Variants in DOCK7 observed in about 807,000 individuals in gnomAD.
The protein encoded by DOCK7 is dedicator of cytokinesis protein 7.
In DOCK7, 138 loss-of-function variants were observed where a neutral mutation model predicts 271.0. The ratio of observed to expected loss-of-function variants is 0.51; its 90% CI spans 0.44 to 0.59. The LOEUF is 0.59. Ranked by LOEUF, DOCK7 falls within the 20% of genes least tolerant of loss-of-function variation. The probability of loss-of-function intolerance (pLI) is 0.00; values close to 1 mark genes in which losing one functional copy is unlikely to be tolerated. For missense variants in DOCK7, 2,066 were observed against 2,592.4 expected (o/e 0.80, Z 4.41); for synonymous variants, 823 against 876.1 (o/e 0.94, Z 1.07).
chr1:62,480,244 T>C (rs1468033950), intron 43 of DOCK7, among the ~76,000 whole-genome samples: 1 of 152,214 alleles, frequency 6.6e-6, no homozygotes, highest in African/African-American at 2.4e-5. Context: ...GGTGTGTTGC[T>C]GGGCTCAATG....
intron 19 of DOCK7, 39 bp downstream of exon 19, chr1:62,561,578 T>G: frequency 7.6e-7 from 1 of 1,312,938 alleles, no homozygotes; most frequent in South Asian, 1.7e-5. Flanking sequence ...GTTCAATTTA[T>G]TTAAGTGAAA....
chr1:62,487,311 A>G (rs1444235788), intron 43 of DOCK7, 87 bp downstream of exon 43: 19 of 1,341,590 alleles, frequency 1.4e-5, no homozygotes, highest in Non-Finnish European at 1.9e-5. Context: ...GAATGCCCAC[A>G]GCTAGCACAT....
Position 62,494,295 on chromosome 1 carries a change from C to G in DOCK7, c.5197G>C (p.Val1733Leu). 1 of 1,598,556 alleles carries G rather than the reference C, an allele frequency of 6.3e-7. No individual in the cohort carries two copies. The highest frequency in any genetic ancestry group is 1.1e-5 in the South Asian group (1 of 89,758). ...CCTACCTGAAATGTTACACATCCCA[C>G]AGGAAGATATTTCCGGTCCTCCAGC... ...SMLEDRKYLPVGCVTFQNISS... is the reference protein window; with the variant it reads ...SMLEDRKYLPLGCVTFQNISS... The change falls in exon 40 of 50, where the codon GTG becomes CTG. Residue 1733 changes from valine to leucine, a missense_variant. This residue lies in a region of DOCK7 where 652 missense variants were observed against 922.1 expected (regional missense o/e 0.71). Transcript: ENST00000635253.
chr1:62,457,916 A>G, intron 48 of DOCK7: 1 of 476,968 alleles, frequency 2.1e-6, no homozygotes, highest in Non-Finnish European at 3.7e-6. Context: ...TTGGGAGGTC[A>G]AGGCAGGTGG....
intron 4 of DOCK7, 37 bp downstream of exon 4, chr1:62,653,684 TACTC>T: frequency 7.9e-7 from 1 of 1,267,288 alleles, no homozygotes; most frequent in Non-Finnish European, 1.1e-6. Context: ...TTAGAAATCT[TACTC>T]AATATTTGTA....
Position 62,670,825 on chromosome 1 carries a change from G to A in DOCK7, c.39-7695C>T, listed in dbSNP as rs983004844. 1.7e-4 allele frequency among the ~76,000 whole-genome samples: 26 copies of A among 152,240 alleles called. No individual in the cohort carries two copies. The East Asian group carries it at 3.7e-3, about 21-fold the overall frequency. On this transcript the variant is annotated intron_variant, in intron 1 of 49. Coordinates refer to ENST00000635253, the MANE Select transcript of DOCK7 (RefSeq NM_001367561.1). ...CCAGATAAGAGAATAAAAGCAGGCT[G>A]CCCGAGCCAGCATTGGCAACCTGCT...
chr1:62,467,436 C>T (rs1645711929), intron 48 of DOCK7, among the ~76,000 whole-genome samples: 2 of 152,126 alleles, frequency 1.3e-5, no homozygotes, highest in South Asian at 2.1e-4. Context: ...ATGGAAGCAG[C>T]AGTGCCAGAA....
chr1:62,465,964 G>A (rs1015221310), intron 48 of DOCK7, among the ~76,000 whole-genome samples: 8 of 152,328 alleles, frequency 5.3e-5, no homozygotes, highest in Middle Eastern at 3.4e-3. Flanking sequence ...GTCATTACAC[G>A]ACAAGGCAAA....
intron 14 of DOCK7, among the ~76,000 whole-genome samples, chr1:62,613,576 A>ATAT (rs1336669327): frequency 6.6e-6 from 1 of 152,184 alleles, no homozygotes; most frequent in Non-Finnish European, 1.5e-5. Context: ...AATTAAACTA[A>ATAT]TATAGACCTC....
chr1:62,556,877 C>T (rs564106632), intron 20 of DOCK7, among the ~76,000 whole-genome samples: 4 of 152,094 alleles, frequency 2.6e-5, no homozygotes, highest in Non-Finnish European at 5.9e-5. Flanking sequence ...GAAACCTGAG[C>T]GAAGTTAAGC....
At chr1:62,638,719 A>T (rs1655605101) in intron 7 of DOCK7, among the ~76,000 whole-genome samples, 1 of 150,558 alleles carries the variant, frequency 6.6e-6, no homozygotes, top group African/African-American at 2.4e-5. Flanking sequence ...GCCTCCCATG[A>T]TACAAATTAT....
At chr1:62,667,756 G>A (rs887715615) in intron 1 of DOCK7, among the ~76,000 whole-genome samples, 2 of 152,104 alleles carry the variant, frequency 1.3e-5, no homozygotes, top group Non-Finnish European at 2.9e-5. Flanking sequence ...AGTGGCTCAC[G>A]CCTGTAATCC....
chr1:62,513,092 C>T (rs1253290348), intron 33 of DOCK7, among the ~76,000 whole-genome samples: 1 of 151,894 alleles, frequency 6.6e-6, no homozygotes, highest in Admixed American at 6.6e-5. Context: ...ATCTCTGTAC[C>T]TTTGCTCACT....
intron 48 of DOCK7, among the ~76,000 whole-genome samples, chr1:62,464,862 CTT>C (rs1645630227): frequency 6.6e-6 from 1 of 152,096 alleles, no homozygotes; most frequent in African/African-American, 2.4e-5. Flanking sequence ...GAATGTAACT[CTT>C]TGGAGATTTG....
At chr1:62,647,842 GAACT>G (rs1656865305) in intron 6 of DOCK7, 66 bp from the exon 7 acceptor site, 1 of 1,186,560 alleles carries the variant, frequency 8.4e-7, no homozygotes. Flanking sequence ...ATCTTTTTCA[GAACT>G]TACTTTACTA....
At chr1:62,666,902 AT>A (rs1338207087) in intron 1 of DOCK7, among the ~76,000 whole-genome samples, 2 of 152,222 alleles carry the variant, frequency 1.3e-5, no homozygotes, top group East Asian at 3.8e-4. Flanking sequence ...TATTTGACCT[AT>A]TTATCTCTTT....
intron 41 of DOCK7, among the ~76,000 whole-genome samples, chr1:62,489,309 C>T (rs552316071): frequency 9.9e-5 from 15 of 152,042 alleles, no homozygotes; most frequent in East Asian, 5.8e-4. Context: ...ATTGGCCGGG[C>T]GTGGTGGCGG....
chr1:62,540,424 C>T (rs558723003), intron 25 of DOCK7, among the ~76,000 whole-genome samples: 1 of 152,192 alleles, frequency 6.6e-6, no homozygotes, highest in Admixed American at 6.5e-5. Context: ...TCCTCTGCCT[C>T]GGCCTCTCAA....
At chr1:62,526,103 C>A (rs1644999911) in intron 31 of DOCK7, among the ~76,000 whole-genome samples, 1 of 152,034 alleles carries the variant, frequency 6.6e-6, no homozygotes, top group African/African-American at 2.4e-5. Context: ...CCACGCCCGG[C>A]TATTTTTTGT....
Sources: gnomAD v4.1 joint callset for allele counts (sites outside exome capture counted in the v4.1 genomes callset) on GRCh38, gnomAD v4.1.1 for gene constraint, gnomAD v4.1.1 regional missense constraint, MANE v1.5 for transcripts, NCBI Gene and HGNC (gene_info 2026-07-23, HGNC 2026-07-21) for gene names.